CC2D2A: variants seen among roughly 807,000 people sequenced by gnomAD.
CC2D2A encodes the protein coiled-coil and C2 domain-containing protein 2A.
A neutral mutation model predicts 212.9 loss-of-function variants in CC2D2A; 155 were observed. That is an observed-to-expected ratio of 0.73 (90% CI 0.64 to 0.83). The LOEUF is 0.83. Among genes scored for constraint, CC2D2A ranks in the 40% least tolerant of loss-of-function variants. The probability of loss-of-function intolerance (pLI) is 0.00; values close to 1 mark genes in which losing one functional copy is unlikely to be tolerated. For missense variants in CC2D2A, 1,856 were observed against 1,956.2 expected (o/e 0.95, Z 0.97); for synonymous variants, 667 against 686.5 (o/e 0.97, Z 0.44).
intron 27 of CC2D2A, among the ~76,000 whole-genome samples, chr4:15,569,721 T>G (rs1009045600): frequency 2.0e-5 from 3 of 152,250 alleles, no homozygotes. Context: ...GAGTTTGTGA[T>G]AAAGGATTCG....
At chr4:15,566,022 T>G (rs931590428) in intron 24 of CC2D2A, among the ~76,000 whole-genome samples, 3 of 152,160 alleles carry the variant, frequency 2.0e-5, no homozygotes, top group Admixed American at 2.0e-4. Flanking sequence ...ACCTTAGCTG[T>G]GAAAGGTGAT....
chr4:15,515,978 G>A lies in CC2D2A; in HGVS notation c.991G>A (p.Glu331Lys), dbSNP rs954758606. The change falls in exon 10 of 37, where the codon GAG becomes AAG. Residue 331 changes from glutamate to lysine, a missense_variant. Around this residue, in one of 5 missense-constraint regions of CC2D2A, gnomAD observed 1,512 missense variants for 1,579.3 expected, o/e 0.96. Transcript: ENST00000424120. ...GGCACGCACCAATCAGAACATCATG[G>A]AGAACAGATTGCTGATGCAGGACCC... ...EVARTNQNIM[E>K]NRLLMQDPER... 1.9e-6 allele frequency: 3 copies of A among 1,590,284 alleles called. No individual in the cohort carries two copies. The highest frequency in any genetic ancestry group is 2.6e-6 in the Non-Finnish European group (3 of 1,168,026).
Position 15,536,993 on chromosome 4 carries a change from G to C in CC2D2A, c.1681G>C (p.Glu561Gln), listed in dbSNP as rs2109034008. ...TCAAGCTGAAATAAGTGAACTGTTA[G>C]AAGAGCACACGGAGGAGTACGCACA... Reference protein sequence around the residue: ...EIQAEISELLEEHTEEYAQKM... With the variant: ...EIQAEISELLQEHTEEYAQKM... The change falls in exon 15 of 37, where the codon GAA becomes CAA. Residue 561 changes from glutamate (E) to glutamine (Q), a missense_variant. This residue lies in a region of CC2D2A where 1,512 missense variants were observed against 1,579.3 expected (regional missense o/e 0.96). Transcript: ENST00000424120. The C allele has an allele frequency of 2.5e-6, 4 of 1,613,858 alleles. No individual in the cohort carries two copies. Among genetic ancestry groups the C allele is most frequent in the Non-Finnish European group, 3.4e-6 (4 of 1,179,800 alleles).
At chr4:15,482,495 T>G (rs1463906397) in intron 4 of CC2D2A, among the ~76,000 whole-genome samples, 2 of 152,332 alleles carry the variant, frequency 1.3e-5, no homozygotes, top group Middle Eastern at 3.4e-3. Flanking sequence ...CATCTTGCTG[T>G]GTGCTCACAT....
At chr4:15,580,574 G>T (rs1720617458) in intron 30 of CC2D2A, among the ~76,000 whole-genome samples, 1 of 142,610 alleles carries the variant, frequency 7.0e-6, no homozygotes, top group Non-Finnish European at 1.5e-5. Flanking sequence ...GGAGGCAGAG[G>T]TTTCAGTGAG....
intron 8 of CC2D2A, among the ~76,000 whole-genome samples, chr4:15,513,719 G>C (rs1024736038): frequency 6.6e-6 from 1 of 152,210 alleles, no homozygotes; most frequent in Non-Finnish European, 1.5e-5. Context: ...TGCTCACCAC[G>C]AAGCAGAGGT....
chr4:15,492,722 C>T, intron 4 of CC2D2A: 1 of 801,328 alleles, frequency 1.2e-6, no homozygotes, highest in South Asian at 1.4e-5. Flanking sequence ...GTCCAGGGGT[C>T]TTACTCCTTG....
Position 15,515,920 on chromosome 4 carries a change from T to C in CC2D2A, c.933T>C (p.Asp311=), listed in dbSNP as rs776175187. 1.9e-6 allele frequency: 3 copies of C among 1,559,582 alleles called. No homozygotes were observed. The highest frequency in any genetic ancestry group is 2.6e-6 in the Non-Finnish European group (3 of 1,151,508). Residue 311 remains aspartate (D), a synonymous_variant, in exon 10 of 37, where the codon GAT becomes GAC. Coordinates refer to ENST00000424120, the MANE Select transcript of CC2D2A (RefSeq NM_001378615.1). ...PENVQPRFLE[D]EGLYTGVRPE... ...ATGTACAGCCCAGGTTCCTGGAAGA[T>C]GAAGGCCTTTACACCGGGGTAAGAC...
chr4:15,580,274 A>G lies in CC2D2A; in HGVS notation c.3975+103A>G, dbSNP rs1577392782. On this transcript the variant is annotated intron_variant, in intron 30 of 36. Transcript: ENST00000424120. ...TTTCATAGTGCTTAAGATGTTAACT[A>G]TATCGAGATCATTAATGACAAAAGT... is the stretch of plus-strand genomic sequence containing the variant. 3 of 807,956 alleles carry G rather than the reference A, an allele frequency of 3.7e-6. No individual in the cohort carries two copies. The East Asian group carries it at 7.6e-5, about 20-fold the overall frequency. The allele number at this position is 807,956 out of a possible 1,614,324, so 50.0% of individuals were successfully genotyped here. A position where few individuals can be genotyped will look rare whatever the true frequency, so the allele number is the denominator to read the frequency against.
At chr4:15,478,578 G>A (rs1247227497) in intron 2 of CC2D2A, 145 bp from the exon 3 acceptor site, 20 of 624,772 alleles carry the variant, frequency 3.2e-5, no homozygotes, top group East Asian at 5.5e-5. Flanking sequence ...GATGAGAGCC[G>A]CACAGATTGT....
chr4:15,545,203 A>G (rs1192806078), intron 17 of CC2D2A, among the ~76,000 whole-genome samples: 1 of 152,238 alleles, frequency 6.6e-6, no homozygotes, highest in Admixed American at 6.5e-5. Context: ...TGGCAACTTT[A>G]GGAGGGTAGA....
chr4:15,536,883 T>C (rs2109033872), intron 14 of CC2D2A, 37 bp from the exon 15 acceptor site: 1 of 1,593,858 alleles, frequency 6.3e-7, no homozygotes, highest in African/African-American at 1.4e-5. Flanking sequence ...TTACTTAATT[T>C]CCAGAAATAA....
chr4:15,493,331 C>G (rs1715428408), intron 4 of CC2D2A, among the ~76,000 whole-genome samples: 1 of 152,070 alleles, frequency 6.6e-6, no homozygotes, highest in Non-Finnish European at 1.5e-5. Flanking sequence ...TGCAGTGGTG[C>G]AATCTCGGCT....
chr4:15,514,939 T>C (rs1716777023), intron 9 of CC2D2A, 70 bp downstream of exon 9: 1 of 1,343,568 alleles, frequency 7.4e-7, no homozygotes, highest in Non-Finnish European at 1.0e-6. Context: ...ATATGGCTAG[T>C]GTATAAGGAT....
rs190151963 is a variant in CC2D2A, at chr4:15,593,007, T to C, written c.4315-3078T>C. ...TATAGAGGCCAAATCATACAGATGC[T>C]ATCTCTGCTATTTCCCAGGTCATGC... On this transcript the variant is annotated intron_variant, in intron 33 of 36. Coordinates refer to ENST00000424120, the MANE Select transcript of CC2D2A (RefSeq NM_001378615.1). 2.3e-3 allele frequency among the ~76,000 whole-genome samples: 354 copies of C among 152,350 alleles called. 3 individuals carry two copies. Among genetic ancestry groups the C allele is most frequent in the Middle Eastern group, 3.4e-3 (1 of 294 alleles).
intron 29 of CC2D2A, among the ~76,000 whole-genome samples, chr4:15,575,336 CAT>C (rs1473465009): frequency 2.6e-5 from 4 of 152,192 alleles, no homozygotes; most frequent in African/African-American, 4.8e-5. Context: ...AGAGGTAACA[CAT>C]GTCTGTCTGA....
At chr4:15,499,878 T>A (rs1715823836) in intron 4 of CC2D2A, among the ~76,000 whole-genome samples, 1 of 152,006 alleles carries the variant, frequency 6.6e-6, no homozygotes, top group African/African-American at 2.4e-5. Flanking sequence ...ACATGCTTAG[T>A]GATACTTAAC....
chr4:15,562,866 A>G (rs1719683918), intron 23 of CC2D2A, among the ~76,000 whole-genome samples: 1 of 152,242 alleles, frequency 6.6e-6, no homozygotes, highest in Admixed American at 6.5e-5. Context: ...ATGTGAAGGG[A>G]GCAGGCTAAT....
At chr4:15,528,503 TC>T in intron 12 of CC2D2A, 116 bp from the exon 13 acceptor site, 1 of 700,562 alleles carries the variant, frequency 1.4e-6, no homozygotes. Flanking sequence ...TGCTTGAACA[TC>T]CGTTCCATTC....
Sources: gnomAD v4.1 joint callset for allele counts (sites outside exome capture counted in the v4.1 genomes callset) on GRCh38, gnomAD v4.1.1 for gene constraint, gnomAD v4.1.1 regional missense constraint, MANE v1.5 for transcripts, NCBI Gene and HGNC (gene_info 2026-07-23, HGNC 2026-07-21) for gene names.